The following CPD variants were observed in gnomAD, a reference collection of about 807,000 sequenced individuals.
CPD encodes metallocarboxypeptidase D.
CPD carries 69 observed loss-of-function variants against 138.3 expected under a neutral mutation model. The ratio of observed to expected loss-of-function variants is 0.50; its 90% CI spans 0.41 to 0.61. The LOEUF is 0.61. CPD is among the 20% of genes least tolerant of loss of function. CPD has a pLI of 0.00. For synonymous variants in CPD, 651 were observed against 642.1 expected, an observed-to-expected ratio of 1.01 and a Z score of -0.21; for missense variants, 1,432 against 1,733.3, an observed-to-expected ratio of 0.83 and a Z score of 3.09.
In CPD at chr17:30,416,679, G is replaced by A. The variant is rs926360055; in HGVS notation, c.995-4162G>A. On this transcript the variant is annotated intron_variant, in intron 2 of 20. Transcript: ENST00000225719. ...CCCCTGCCTTTGAAATGTTCTTCCC[G>A]CTGACTTTTACCAGGCTAGCTGCAT... Among the ~76,000 whole-genome samples the A allele has an allele frequency of 3.3e-5, 5 of 152,066 alleles. No homozygotes were observed. The East Asian group carries it at 5.8e-4, about 18-fold the overall frequency.
rs1913684258 is a variant in CPD at position 30,467,825 on chromosome 17, T to C, written c.*3011T>C. 1 of 152,166 alleles carries C rather than the reference T, an allele frequency of 6.6e-6. No homozygotes were observed. Among genetic ancestry groups the C allele is most frequent in the Non-Finnish European group, 1.5e-5 (1 of 68,014 alleles). 9.4% of individuals were successfully genotyped at this position (152,166 alleles called of 1,614,324 possible). On this transcript the variant is annotated 3_prime_UTR_variant, in exon 21 of 21. Coordinates refer to ENST00000225719, the MANE Select transcript of CPD (RefSeq NM_001304.5). ...AGAAATGCACTTGTGCCAGGTATTG[T>C]CCCTGCTGTATGAAAAGCTTCTTGG... is the stretch of plus-strand genomic sequence containing the variant.
chr17:30,457,492 G>A (rs1036127574), intron 17 of CPD, among the ~76,000 whole-genome samples: 1 of 152,042 alleles, frequency 6.6e-6, no homozygotes, highest in African/African-American at 2.4e-5. Flanking sequence ...TCACTTCTTT[G>A]GGGTAGATAC....
At chr17:30,438,137 T>C (rs1228073437) in intron 8 of CPD, among the ~76,000 whole-genome samples, 1 of 151,666 alleles carries the variant, frequency 6.6e-6, no homozygotes, top group Non-Finnish European at 1.5e-5. Context: ...ATCTTACCTG[T>C]CCCTGTTTAT....
chr17:30,457,411 C>G (rs772676763), intron 17 of CPD, among the ~76,000 whole-genome samples: 1 of 152,120 alleles, frequency 6.6e-6, no homozygotes, highest in Non-Finnish European at 1.5e-5. Flanking sequence ...ATGATGTTGC[C>G]ATGAAGATTG....
chr17:30,426,835 T>G (rs1373896569), intron 6 of CPD, among the ~76,000 whole-genome samples: 1 of 152,164 alleles, frequency 6.6e-6, no homozygotes, highest in East Asian at 1.9e-4. Context: ...TCTCCCAAAG[T>G]TAGCTTGGCC....
In CPD at chr17:30,437,460, A is replaced by G. The variant is rs551324885; in HGVS notation, c.2128-1515A>G. 7.9e-5 allele frequency among the ~76,000 whole-genome samples: 12 copies of G among 152,148 alleles called. No individual in the cohort carries two copies. The South Asian group carries it at 2.5e-3, about 32-fold the overall frequency. On this transcript the variant is annotated intron_variant, in intron 8 of 20. Coordinates refer to ENST00000225719, the MANE Select transcript of CPD (RefSeq NM_001304.5). ...AACACTTTGGGAGGCCGAGGTGGGC[A>G]GATTCGTTGAGCCCAGGAGTTCGAG...
chr17:30,432,423 T>A (rs981849635), intron 8 of CPD, among the ~76,000 whole-genome samples: 6 of 152,178 alleles, frequency 3.9e-5, no homozygotes, highest in Non-Finnish European at 7.3e-5. Flanking sequence ...GTCTGAAATA[T>A]TTGCTTTCTG....
intron 10 of CPD, among the ~76,000 whole-genome samples, chr17:30,443,558 A>G (rs1279195518): frequency 6.6e-6 from 1 of 152,206 alleles, no homozygotes; most frequent in Non-Finnish European, 1.5e-5. Flanking sequence ...TGAAATCATC[A>G]GAATGTGCTA....
intron 13 of CPD, 65 bp downstream of exon 13, chr17:30,449,813 C>A: frequency 7.1e-7 from 1 of 1,405,648 alleles, no homozygotes; most frequent in Non-Finnish European, 9.5e-7. Context: ...ATCAGGGCAC[C>A]ATTTTTAAAA....
At chr17:30,433,491 T>C (rs963668113) in intron 8 of CPD, among the ~76,000 whole-genome samples, 4 of 152,154 alleles carry the variant, frequency 2.6e-5, no homozygotes, top group Admixed American at 2.6e-4. Context: ...CTCCTAAGGG[T>C]CTTGTACACC....
At position 30,445,782 on chromosome 17, in the gene CPD, A is replaced by T; in HGVS notation, c.2635A>T (p.Asn879Tyr). ...TLVRSSTDSN[N>Y]ESKKGKGASS... ...TGTTCGATCCTCAACAGATTCAAACAATGAATCAAAGAAAGGAAAAGGGGC... is the reference window on the plus strand; with the variant it reads ...TGTTCGATCCTCAACAGATTCAAACTATGAATCAAAGAAAGGAAAAGGGGC... Residue 879 changes from asparagine to tyrosine, a missense_variant, in exon 12 of 21, where the codon AAT becomes TAT. By Grantham distance (143) the Asn-to-Tyr change is moderately radical. This residue lies in a region of CPD where 124 missense variants were observed against 117.0 expected (regional missense o/e 1.06). Transcript: ENST00000225719. 1 of 1,614,032 alleles carries T rather than the reference A, an allele frequency of 6.2e-7. No homozygotes were observed. The highest frequency in any genetic ancestry group is 1.1e-5 in the South Asian group (1 of 91,084).
At chr17:30,452,259 T>C (rs768970708) in intron 14 of CPD, among the ~76,000 whole-genome samples, 1 of 151,852 alleles carries the variant, frequency 6.6e-6, no homozygotes, top group Non-Finnish European at 1.5e-5. Context: ...TTTCAGTACT[T>C]ATAGATCTCT....
At chr17:30,434,589 A>G (rs895732466) in intron 8 of CPD, among the ~76,000 whole-genome samples, 1 of 152,202 alleles carries the variant, frequency 6.6e-6, no homozygotes, top group African/African-American at 2.4e-5. Flanking sequence ...GATAAGTACA[A>G]TTTAAAAGGA....
chr17:30,437,077 TAG>T, intron 8 of CPD, among the ~76,000 whole-genome samples: 1 of 145,942 alleles, frequency 6.9e-6, no homozygotes, highest in African/African-American at 2.6e-5. Flanking sequence ...GGCAAACCCA[TAG>T]AGACAGAAAG....
At chr17:30,455,158 C>G (rs1913261557) in intron 14 of CPD, 181 bp from the exon 15 acceptor site, 1 of 563,188 alleles carries the variant, frequency 1.8e-6, no homozygotes, top group Admixed American at 3.1e-5. Context: ...AAAACTCAGA[C>G]TAACCTACCT....
rs570233573 is a variant in CPD, at chr17:30,457,643, C to T, written c.3498+1117C>T. ...GGTTTCCAATTTTCCCATATCCTCT[C>T]CTCACCAACACTTATTTGCTGGTTT... On this transcript the variant is annotated intron_variant, in intron 17 of 20. Coordinates refer to ENST00000225719, the MANE Select transcript of CPD (RefSeq NM_001304.5). 6.6e-5 allele frequency among the ~76,000 whole-genome samples: 10 copies of T among 152,008 alleles called. No homozygotes were observed. In the East Asian group the frequency reaches 1.4e-3, roughly 21 times the overall value.
chr17:30,430,858 G>T (rs1285536405), intron 7 of CPD, among the ~76,000 whole-genome samples: 1 of 152,054 alleles, frequency 6.6e-6, no homozygotes, highest in African/African-American at 2.4e-5. Flanking sequence ...TCCCAGTGTT[G>T]CCCAGGCTGA....
Position 30,461,185 on chromosome 17 carries a change from T to C in CPD, c.3504T>C (p.Tyr1168=), listed in dbSNP as rs753130975. 3 of 1,594,294 alleles carry C rather than the reference T, an allele frequency of 1.9e-6. No homozygotes were observed. The highest frequency in any genetic ancestry group is 2.6e-6 in the Non-Finnish European group (3 of 1,172,484). The change falls in exon 18 of 21, where the codon TAT becomes TAC. Residue 1168 remains tyrosine, a synonymous_variant. Coordinates refer to ENST00000225719, the MANE Select transcript of CPD (RefSeq NM_001304.5). The part of the protein sequence containing the change: ...WHSHLGSMKD[Y]SVTYGHCPEI... ...TTTTGAACTTTATATTCTAGGATTA[T>C]AGTGTCACCTATGGCCATTGTCCGG...
At chr17:30,415,485 A>G (rs1420204561) in intron 2 of CPD, among the ~76,000 whole-genome samples, 2 of 152,212 alleles carry the variant, frequency 1.3e-5, no homozygotes, top group Non-Finnish European at 2.9e-5. Context: ...TTTTCTTAGA[A>G]TAAAATATTC....
Sources: gnomAD v4.1 joint callset for allele counts (sites outside exome capture counted in the v4.1 genomes callset) on GRCh38, gnomAD v4.1.1 for gene constraint, gnomAD v4.1.1 regional missense constraint, MANE v1.5 for transcripts, NCBI Gene and HGNC (gene_info 2026-07-23, HGNC 2026-07-21) for gene names.